SOX5: variants seen among roughly 807,000 people sequenced by gnomAD.
SOX5 encodes the protein SRY-box transcription factor 5.
A neutral mutation model predicts 92.0 loss-of-function variants in SOX5; 9 were observed. That is an observed-to-expected ratio of 0.10 (90% confidence interval 0.06 to 0.17). SOX5 has a LOEUF of 0.17. Ranked by LOEUF, SOX5 falls within the 10% of genes least tolerant of loss-of-function variation. The pLI, the probability that SOX5 is intolerant of heterozygous loss-of-function variation, is 1.00. For synonymous variants in SOX5, 344 were observed against 336.3 expected (o/e 1.02, Z -0.25); for missense variants, 642 against 944.5 (o/e 0.68, Z 4.20).
At chr12:24,559,938 A>T (rs891846249) in intron 1 of SOX5, among the ~76,000 whole-genome samples, 1 of 152,210 alleles carries the variant, frequency 6.6e-6, no homozygotes. Context: ...TGAATTCTAT[A>T]TACAACATGC....
At chr12:23,660,258 C>G (rs2082859735) in intron 7 of SOX5, among the ~76,000 whole-genome samples, 2 of 152,152 alleles carry the variant, frequency 1.3e-5, no homozygotes, top group Admixed American at 6.5e-5. Flanking sequence ...CAGTCTTTAT[C>G]ACTTGTAAAT....
intron 3 of SOX5, among the ~76,000 whole-genome samples, chr12:23,808,793 A>T (rs977464012): frequency 1.3e-5 from 2 of 152,168 alleles, no homozygotes; most frequent in Non-Finnish European, 2.9e-5. Context: ...GTTTTTCTGT[A>T]ACAGTAATGT....
intron 2 of SOX5, among the ~76,000 whole-genome samples, chr12:24,285,834 T>G (rs1945803111): frequency 1.3e-5 from 2 of 152,178 alleles, no homozygotes; most frequent in African/African-American, 4.8e-5. Context: ...AACATATAGA[T>G]TACATTTCTG....
intron 7 of SOX5, among the ~76,000 whole-genome samples, chr12:23,651,030 G>C (rs59584179): frequency 0.022 from 3,383 of 152,048 alleles, 124 homozygotes; most frequent in African/African-American, 0.077. Flanking sequence ...GAAAATATGT[G>C]AGAATTTTTT....
At chr12:24,499,007 T>C (rs1947920601) in intron 1 of SOX5, among the ~76,000 whole-genome samples, 1 of 152,182 alleles carries the variant, frequency 6.6e-6, no homozygotes, top group South Asian at 2.1e-4. Context: ...TAATACTGCC[T>C]TCTCAAAGAA....
At chr12:24,270,482 T>C (rs1943586917) in intron 3 of SOX5, among the ~76,000 whole-genome samples, 1 of 152,214 alleles carries the variant, frequency 6.6e-6, no homozygotes. Flanking sequence ...CACAAAAAAA[T>C]TAATGAAATC....
At chr12:23,678,844 C>T (rs979090021) in intron 6 of SOX5, among the ~76,000 whole-genome samples, 1 of 152,040 alleles carries the variant, frequency 6.6e-6, no homozygotes, top group Non-Finnish European at 1.5e-5. Context: ...TATACTTTGA[C>T]TCAAGCAAAG....
intron 2 of SOX5, among the ~76,000 whole-genome samples, chr12:23,855,052 CAAAT>C (rs1420419960): frequency 7.5e-6 from 1 of 133,124 alleles, no homozygotes; most frequent in East Asian, 5.0e-4. Flanking sequence ...TATACAAAAA[CAAAT>C]AAAGAAAAAA....
At chr12:23,928,503 T>C (rs1940597886) in intron 1 of SOX5, among the ~76,000 whole-genome samples, 1 of 151,950 alleles carries the variant, frequency 6.6e-6, no homozygotes, top group African/African-American at 2.4e-5. Flanking sequence ...TAAAAACAAT[T>C]TTATGCATTT....
chr12:23,980,549 G>A (rs7962675), intron 4 of SOX5, among the ~76,000 whole-genome samples: 58,501 of 151,922 alleles, frequency 0.39, 11,606 homozygotes, highest in East Asian at 0.56. Flanking sequence ...TTGAGGAAAT[G>A]TTTCAAAATG....
intron 1 of SOX5, among the ~76,000 whole-genome samples, chr12:23,897,463 T>C (rs2097189000): frequency 6.6e-6 from 1 of 152,186 alleles, no homozygotes; most frequent in African/African-American, 2.4e-5. Context: ...CTTACTCATC[T>C]TTAAGGTGAA....
chr12:24,138,687 TA>T (rs1396938149), intron 4 of SOX5, among the ~76,000 whole-genome samples: 1 of 152,214 alleles, frequency 6.6e-6, no homozygotes, highest in Non-Finnish European at 1.5e-5. Flanking sequence ...AATTCAGGTC[TA>T]AAATGCTACT....
At chr12:23,989,151 A>T (rs1249605514) in intron 4 of SOX5, among the ~76,000 whole-genome samples, 1 of 149,916 alleles carries the variant, frequency 6.7e-6, no homozygotes, top group East Asian at 2.0e-4. Context: ...AGGCAGGTAG[A>T]TCACCTGAGC....
chr12:24,513,144 G>C (rs372839326), intron 1 of SOX5, among the ~76,000 whole-genome samples: 1 of 152,358 alleles, frequency 6.6e-6, no homozygotes. Flanking sequence ...ACAGTGCCCT[G>C]TGTTACCAGA....
chr12:24,506,784 C>CTTTTTTTTTTTTTTT lies in SOX5; in HGVS notation c.-251+55530_-251+55544dup, dbSNP rs386375924. 1.8e-3 allele frequency among the ~76,000 whole-genome samples: 150 copies of CTTTTTTTTTTTTTTT among 81,764 alleles called. 10 individuals carry two copies. Among genetic ancestry groups the CTTTTTTTTTTTTTTT allele is most frequent in the Non-Finnish European group, 2.2e-3 (98 of 45,150 alleles). 53.6% of individuals were successfully genotyped at this position (81,764 alleles called of 152,430 possible). The stretch of plus-strand genomic sequence containing the variant: ...CTGTATTTCATGGTATCCAAATGGT[C>CTTTTTTTTTTTTTTT]TTTTTTTTTTTTTTTTTTTTTTGGA... On this transcript the variant is annotated intron_variant, in intron 1 of 4. Transcript: ENST00000446891.
chr12:24,409,833 T>C (rs988479451), intron 1 of SOX5, among the ~76,000 whole-genome samples: 1 of 152,196 alleles, frequency 6.6e-6, no homozygotes, highest in Non-Finnish European at 1.5e-5. Context: ...TTTAGCCCAT[T>C]TTCTAATTGG....
chr12:23,901,502 C>A (rs945687787), intron 1 of SOX5, among the ~76,000 whole-genome samples: 1 of 152,164 alleles, frequency 6.6e-6, no homozygotes, highest in African/African-American at 2.4e-5. Context: ...TCCTCCTACC[C>A]TAGACATAAC....
chr12:23,749,210 CTT>C (rs2094106623), intron 4 of SOX5, among the ~76,000 whole-genome samples: 2 of 151,796 alleles, frequency 1.3e-5, no homozygotes, highest in Admixed American at 1.3e-4. Context: ...TTTAATCAGA[CTT>C]TGACAAAATT....
At chr12:24,404,399 T>G (rs1962453509) in intron 1 of SOX5, among the ~76,000 whole-genome samples, 1 of 152,186 alleles carries the variant, frequency 6.6e-6, no homozygotes, top group African/African-American at 2.4e-5. Flanking sequence ...AATTTATACC[T>G]TGAATTCAGG....
Sources: gnomAD v4.1 joint callset for allele counts (sites outside exome capture counted in the v4.1 genomes callset) on GRCh38, gnomAD v4.1.1 for gene constraint, MANE v1.5 for transcripts, NCBI Gene and HGNC (gene_info 2026-07-23, HGNC 2026-07-21) for gene names.